Variants in TTC13 observed in about 807,000 individuals in gnomAD.
TTC13 encodes the protein tetratricopeptide repeat domain 13.
Under a neutral mutation model 120.0 loss-of-function variants are expected in TTC13, and 62 were observed. The ratio of observed to expected loss-of-function variants is 0.52; its 90% CI spans 0.42 to 0.64. The LOEUF (loss-of-function observed/expected upper bound fraction) is 0.64. Among genes scored for constraint, TTC13 ranks in the 30% least tolerant of loss-of-function variants. The pLI, the probability that TTC13 is intolerant of heterozygous loss-of-function variation, is 0.00. For missense variants in TTC13, 824 were observed against 1,050.2 expected (o/e 0.78, Z 2.98); for synonymous variants, 384 against 393.5 (o/e 0.98, Z 0.28).
chr1:230,971,299 T>C lies in TTC13; in HGVS notation c.271+7261A>G, dbSNP rs928178140. Among the ~76,000 whole-genome samples, 10 of 140,674 alleles carry C rather than the reference T, an allele frequency of 7.1e-5. No homozygotes were observed. In the East Asian group the frequency reaches 8.6e-4, roughly 12 times the overall value. 92.3% of individuals were successfully genotyped at this position (140,674 alleles called of 152,430 possible). A position where few individuals can be genotyped will look rare whatever the true frequency, so the allele number is the denominator to read the frequency against. On this transcript the variant is annotated intron_variant, in intron 1 of 22. Transcript: ENST00000366661. ...AGGCAGAGCTTGCAGTGAGCCGAGA[T>C]TGCACCACTGCACTCCAGCCTGGGC...
chr1:230,932,802 A>T (rs1673672943), intron 9 of TTC13, among the ~76,000 whole-genome samples: 1 of 152,116 alleles, frequency 6.6e-6, no homozygotes, highest in Non-Finnish European at 1.5e-5. Flanking sequence ...GTACCTAATA[A>T]AGGGACTTTC....
intron 5 of TTC13, 91 bp from the exon 6 acceptor site, chr1:230,943,989 T>C (rs1409787299): frequency 4.4e-6 from 3 of 675,196 alleles, no homozygotes; most frequent in Admixed American, 3.0e-5. Flanking sequence ...TTAGTAATGA[T>C]GTAACCAATT....
intron 18 of TTC13, among the ~76,000 whole-genome samples, chr1:230,913,908 T>C (rs1671755882): frequency 6.6e-6 from 1 of 152,038 alleles, no homozygotes; most frequent in Non-Finnish European, 1.5e-5. Flanking sequence ...TGAGGCCACT[T>C]TGTGAGAGGC....
At chr1:230,908,344 T>C (rs549620329) in intron 22 of TTC13, 9 of 451,910 alleles carry the variant, frequency 2.0e-5, no homozygotes, top group Non-Finnish European at 3.5e-5. Context: ...CACACCACCA[T>C]GCCCAGCTAA....
intron 4 of TTC13, among the ~76,000 whole-genome samples, chr1:230,951,725 TAC>T (rs145593924): frequency 0.016 from 2,385 of 152,016 alleles, 58 homozygotes; most frequent in African/African-American, 0.053. Context: ...ATTTTATCAC[TAC>T]ACTTGCCAAC....
intron 4 of TTC13, among the ~76,000 whole-genome samples, chr1:230,948,285 A>T (rs1264808327): frequency 6.6e-6 from 1 of 151,734 alleles, no homozygotes; most frequent in African/African-American, 2.4e-5. Context: ...AGGACTTCCT[A>T]TACACAATGG....
In TTC13 at chr1:230,908,952, G is replaced by A. The variant is rs1671221259; in HGVS notation, c.2378C>T (p.Pro793Leu). The A allele has an allele frequency of 6.2e-7, 1 of 1,614,050 alleles. No homozygotes were observed. The highest frequency in any genetic ancestry group is 8.5e-7 in the Non-Finnish European group (1 of 1,179,990). ...CCCGCTCCAACATACCTTCCCTTTG[G>A]GAATTTTTCCTGCTACTTCTTTTCC... ...ASGKEVAGKI[P>L]KGKLVDFEAM... is the part of the protein sequence containing the mutation. The change falls in exon 21 of 23, where the codon CCC becomes CTC. Residue 793 changes from proline to leucine, a missense_variant. Physicochemically the swap from Pro to Leu is moderately conservative, Grantham distance 98. Coordinates refer to ENST00000366661, the MANE Select transcript of TTC13 (RefSeq NM_024525.5).
chr1:230,949,522 A>G (rs187666889), intron 4 of TTC13, among the ~76,000 whole-genome samples: 3 of 151,034 alleles, frequency 2.0e-5, no homozygotes, highest in Admixed American at 6.6e-5. Context: ...CCCCACACAG[A>G]GGCCCTCGCA....
chr1:230,953,027 T>C (rs1450887271), intron 4 of TTC13, among the ~76,000 whole-genome samples: 1 of 152,228 alleles, frequency 6.6e-6, no homozygotes, highest in Non-Finnish European at 1.5e-5. Flanking sequence ...TTAACTGATA[T>C]TTGCTCCTAT....
intron 21 of TTC13, 51 bp from the exon 22 acceptor site, chr1:230,908,842 T>G (rs1371982548): frequency 6.2e-7 from 1 of 1,606,438 alleles, no homozygotes; most frequent in Non-Finnish European, 8.5e-7. Flanking sequence ...GGACACAGGC[T>G]CGGCTGGAGA....
rs754011618 is a variant in TTC13 at position 230,924,933 on chromosome 1, C to T, written c.1629G>A (p.Gln543=). The T allele has an allele frequency of 1.9e-6, 3 of 1,614,214 alleles. No individual in the cohort carries two copies. Among genetic ancestry groups the T allele is most frequent in the Non-Finnish European group, 2.5e-6 (3 of 1,180,040 alleles). ...LAALEVMQAV[Q]RTWTNSKVRM... is the part of the protein sequence containing the mutation. ...GAACTTTCGAGTTGGTCCATGTACG[C>T]TGCACGGCTTGCATGACCTCCAATG... The change falls in exon 14 of 23, where the codon CAG becomes CAA. Residue 543 remains glutamine (Q), a synonymous_variant. Transcript: ENST00000366661.
rs1014572007 is a variant in TTC13 at position 230,944,341 on chromosome 1, T to C, written c.580-443A>G. Among the ~76,000 whole-genome samples, 1 of 152,220 alleles carries C rather than the reference T, an allele frequency of 6.6e-6. No homozygotes were observed. The highest frequency in any genetic ancestry group is 2.4e-5 in the African/African-American group (1 of 41,456). ...TTAAGAAGTTTAGGTACATTCTCTT[T>C]AACATTTGCACATTATTTTTACATT... On this transcript the variant is annotated intron_variant, in intron 5 of 22. Coordinates refer to ENST00000366661, the MANE Select transcript of TTC13 (RefSeq NM_024525.5). This position sits in a 1 kb window ranked among gnomAD's most constrained non-coding sequence, Gnocchi z 4.0.
intron 2 of TTC13, among the ~76,000 whole-genome samples, 167 bp downstream of exon 2, chr1:230,961,042 A>G (rs1676586258): frequency 6.6e-6 from 1 of 152,250 alleles, no homozygotes; most frequent in Non-Finnish European, 1.5e-5. Flanking sequence ...CATCCAATTC[A>G]TAAGTCATAA....
chr1:230,963,865 T>G, intron 1 of TTC13, among the ~76,000 whole-genome samples: 1 of 151,194 alleles, frequency 6.6e-6, no homozygotes, highest in African/African-American at 2.4e-5. Context: ...AGGTGAGGAG[T>G]CAGACTGCAG....
rs1020695186 is a variant in TTC13, at chr1:230,978,157, G to A, written c.271+403C>T. ...CCTCCGGGGGCGGGCTCCGCAAGCC[G>A]CCGGGCTGGTTGCTCGTCCGCCCGC... On this transcript the variant is annotated intron_variant, in intron 1 of 22. Coordinates refer to ENST00000366661, the MANE Select transcript of TTC13 (RefSeq NM_024525.5). The surrounding 1 kb of genome is among the most constrained non-coding windows in gnomAD (Gnocchi z 5.6). Among the ~76,000 whole-genome samples, 2 of 152,190 alleles carry A rather than the reference G, an allele frequency of 1.3e-5. No homozygotes were observed. Among genetic ancestry groups the A allele is most frequent in the Admixed American group, 1.3e-4 (2 of 15,288 alleles).
At chr1:230,970,049 A>G (rs1419407310) in intron 1 of TTC13, among the ~76,000 whole-genome samples, 1 of 152,246 alleles carries the variant, frequency 6.6e-6, no homozygotes, top group African/African-American at 2.4e-5. Flanking sequence ...AATAAACTCA[A>G]TGTTAATGAA....
At chr1:230,939,784 G>C (rs982171514) in intron 7 of TTC13, among the ~76,000 whole-genome samples, 1 of 152,200 alleles carries the variant, frequency 6.6e-6, no homozygotes, top group Non-Finnish European at 1.5e-5. Context: ...GTAATAATCT[G>C]TTAGAGAAAT....
At chr1:230,920,234 G>A (rs182885433) in intron 17 of TTC13, 84 of 242,718 alleles carry the variant, frequency 3.5e-4, no homozygotes, top group African/African-American at 1.9e-3. Flanking sequence ...CATGTAGAAG[G>A]GCAGCTGAGT....
chr1:230,969,002 C>A (rs1284982982), intron 1 of TTC13, among the ~76,000 whole-genome samples: 2 of 152,118 alleles, frequency 1.3e-5, no homozygotes, highest in African/African-American at 4.8e-5. Context: ...GGGCTGGGTG[C>A]GGTGGCTCAC....
Sources: allele counts gnomAD v4.1 joint callset (sites outside exome capture counted in the v4.1 genomes callset), GRCh38; gene constraint gnomAD v4.1.1; non-coding constraint Gnocchi (gnomAD v3.1); transcripts MANE v1.5; gene names NCBI Gene and HGNC (gene_info 2026-07-23, HGNC 2026-07-21).